The following ITGB5 variants were observed in gnomAD, a reference collection of about 807,000 sequenced individuals.
The protein encoded by ITGB5 is integrin beta-5.
ITGB5 carries 38 observed loss-of-function variants against 84.8 expected under a neutral mutation model. The observed-to-expected ratio is 0.45, with a 90% CI of 0.35 to 0.59. ITGB5 has a LOEUF of 0.59. ITGB5 is among the 20% of genes least tolerant of loss of function. ITGB5 has a pLI of 0.01. For missense variants in ITGB5, 905 were observed against 1,034.5 expected (o/e 0.87, Z 1.72); for synonymous variants, 393 against 414.4 (o/e 0.95, Z 0.63).
intron 10 of ITGB5, among the ~76,000 whole-genome samples, chr3:124,783,245 T>C (rs2150950577): frequency 7.2e-6 from 1 of 139,248 alleles, no homozygotes; most frequent in East Asian, 2.1e-4. Context: ...GGGCCAAGAT[T>C]GCACCACTGC....
Position 124,775,215 on chromosome 3 carries a change from C to A in ITGB5, c.1694-1303G>T, listed in dbSNP as rs138418397. On this transcript the variant is annotated intron_variant, in intron 10 of 14. Transcript: ENST00000296181. Reference sequence around the variant, plus strand: ...AGGAATGTGTGTGCTTGTGAGAAAGCGAGTGTGAGTGTGTATGAGTGTGTG... The same window carrying A: ...AGGAATGTGTGTGCTTGTGAGAAAGAGAGTGTGAGTGTGTATGAGTGTGTG... 5.4e-3 allele frequency among the ~76,000 whole-genome samples: 817 copies of A among 152,022 alleles called. 5 individuals carry two copies. Among genetic ancestry groups the A allele is most frequent in the Middle Eastern group, 0.037 (11 of 294 alleles).
At chr3:124,840,018 C>T (rs752612484) in intron 5 of ITGB5, among the ~76,000 whole-genome samples, 12 of 152,246 alleles carry the variant, frequency 7.9e-5, no homozygotes, top group Non-Finnish European at 1.6e-4. Context: ...TTTACCTTCT[C>T]CTTATCCATT....
chr3:124,880,107 A>G (rs1194764272), intron 1 of ITGB5, among the ~76,000 whole-genome samples: 1 of 152,238 alleles, frequency 6.6e-6, no homozygotes, highest in Non-Finnish European at 1.5e-5. Context: ...ATGATCTACA[A>G]AATATCTGAC....
intron 13 of ITGB5, among the ~76,000 whole-genome samples, chr3:124,764,987 G>T (rs562149445): frequency 2.6e-5 from 4 of 152,208 alleles, no homozygotes; most frequent in Admixed American, 1.3e-4. Context: ...AGCCTTTAGC[G>T]TGGTGTCCCT....
upstream of ITGB5, among the ~76,000 whole-genome samples, chr3:124,891,626 G>A (rs1267778802): frequency 6.8e-6 from 1 of 148,134 alleles, no homozygotes; most frequent in African/African-American, 2.5e-5. Flanking sequence ...ATGAAATTCT[G>A]ACATTCTGAC....
intron 9 of ITGB5, among the ~76,000 whole-genome samples, chr3:124,798,140 C>T (rs891512345): frequency 2.8e-5 from 4 of 145,302 alleles, no homozygotes; most frequent in African/African-American, 1.0e-4. Flanking sequence ...GCAATCTCCA[C>T]CTCCCGGGTT....
chr3:124,894,300 A>AT (rs1025954005), intron 1 of ITGB5, among the ~76,000 whole-genome samples: 5 of 151,558 alleles, frequency 3.3e-5, no homozygotes, highest in South Asian at 2.1e-4. Flanking sequence ...TGCCCGGCTA[A>AT]TTTTTTGTAT....
intron 9 of ITGB5, among the ~76,000 whole-genome samples, chr3:124,803,759 T>G (rs9830425): frequency 0.05 from 7,633 of 152,226 alleles, 349 homozygotes; most frequent in African/African-American, 0.12. Context: ...GGATTGTACT[T>G]TGTGCTGGTA....
Position 124,771,821 on chromosome 3 carries a change from T to C in ITGB5, c.1916+1869A>G, listed in dbSNP as rs550471549. ...CTTTGCTCTCCTTGCTCCCTTCATA[T>C]TGTGTAATGAATAATAAATTATTAA... On this transcript the variant is annotated intron_variant, in intron 11 of 14. Coordinates refer to ENST00000296181, the MANE Select transcript of ITGB5 (RefSeq NM_002213.5). 7.2e-5 allele frequency among the ~76,000 whole-genome samples: 11 copies of C among 151,950 alleles called. No individual in the cohort carries two copies. The East Asian group carries it at 1.2e-3, about 16-fold the overall frequency.
chr3:124,853,942 T>C (rs2065190682), intron 3 of ITGB5, among the ~76,000 whole-genome samples: 1 of 152,218 alleles, frequency 6.6e-6, no homozygotes, highest in African/African-American at 2.4e-5. Flanking sequence ...AATAATGACT[T>C]TAATAAACTA....
upstream of ITGB5, among the ~76,000 whole-genome samples, chr3:124,887,988 C>G (rs564617585): frequency 1.7e-4 from 26 of 150,822 alleles, 2 homozygotes; most frequent in South Asian, 5.2e-3. Flanking sequence ...CCAGTCTTGG[C>G]TCACTGCAGC....
intron 13 of ITGB5, 88 bp from the exon 14 acceptor site, chr3:124,764,645 G>GCACCC: frequency 1.5e-6 from 2 of 1,361,748 alleles, no homozygotes; most frequent in Non-Finnish European, 2.0e-6. Flanking sequence ...GATGAAAGTT[G>GCACCC]CACCCCTTCC....
chr3:124,825,725 C>T (rs957262613), intron 5 of ITGB5, among the ~76,000 whole-genome samples: 10 of 152,074 alleles, frequency 6.6e-5, no homozygotes, highest in African/African-American at 1.4e-4. Context: ...GGAAACTTTC[C>T]GGGGTGATGG....
chr3:124,867,963 T>G (rs141656813), intron 2 of ITGB5, among the ~76,000 whole-genome samples: 1 of 152,204 alleles, frequency 6.6e-6, no homozygotes, highest in African/African-American at 2.4e-5. Flanking sequence ...AGAAACCAAG[T>G]GGAGGTAACT....
intron 10 of ITGB5, among the ~76,000 whole-genome samples, chr3:124,785,817 A>C (rs944660654): frequency 6.6e-6 from 1 of 152,140 alleles, no homozygotes. Context: ...ACTTAGGAAA[A>C]CGGGCTAAAT....
chr3:124,841,073 T>C (rs1001336398), intron 5 of ITGB5, among the ~76,000 whole-genome samples: 1 of 152,186 alleles, frequency 6.6e-6, no homozygotes, highest in Non-Finnish European at 1.5e-5. Flanking sequence ...GACCTTTACT[T>C]TTTTCCCCTG....
At chr3:124,777,775 G>A (rs1314693849) in intron 10 of ITGB5, among the ~76,000 whole-genome samples, 2 of 152,174 alleles carry the variant, frequency 1.3e-5, no homozygotes, top group African/African-American at 2.4e-5. Flanking sequence ...TTCAGAAAGC[G>A]TGACCCACAC....
At chr3:124,849,449 G>A (rs923023787) in intron 3 of ITGB5, among the ~76,000 whole-genome samples, 2 of 152,146 alleles carry the variant, frequency 1.3e-5, no homozygotes, top group Admixed American at 6.5e-5. Flanking sequence ...ACCTGTGTTT[G>A]TTTCTATTTC....
At chr3:124,821,289 G>C (rs1462419761) in intron 6 of ITGB5, 24 bp downstream of exon 6, 1 of 1,600,140 alleles carries the variant, frequency 6.2e-7, no homozygotes, top group Non-Finnish European at 8.5e-7. Context: ...AACAGGGAGG[G>C]GGGATCTGGT....
Sources: allele counts gnomAD v4.1 joint callset (sites outside exome capture counted in the v4.1 genomes callset), GRCh38; gene constraint gnomAD v4.1.1; transcripts MANE v1.5; gene names NCBI Gene and HGNC (gene_info 2026-07-23, HGNC 2026-07-21).